Variants in VPS13D observed in about 807,000 individuals in gnomAD.
VPS13D encodes the protein vacuolar protein sorting 13 homolog D, also known as intermembrane lipid transfer protein VPS13D.
A neutral mutation model predicts 461.9 loss-of-function variants in VPS13D; 187 were observed. That is an observed-to-expected ratio of 0.40 (90% CI 0.36 to 0.46). The LOEUF (loss-of-function observed/expected upper bound fraction) is 0.46, where lower values mean the gene tolerates loss of function less well. Ranked by LOEUF, VPS13D falls within the 20% of genes least tolerant of loss-of-function variation. The probability of loss-of-function intolerance (pLI) is 0.60; values close to 1 mark genes in which losing one functional copy is unlikely to be tolerated. For synonymous variants in VPS13D, 1,951 were observed against 1,986.3 expected, an observed-to-expected ratio of 0.98 and a Z score of 0.47; for missense variants, 4,711 against 5,364.9, an observed-to-expected ratio of 0.88 and a Z score of 3.81.
intron 47 of VPS13D, 108 bp downstream of exon 47, chr1:12,354,329 A>G (rs1286889442): frequency 1.5e-6 from 2 of 1,350,604 alleles, no homozygotes; most frequent in African/African-American, 2.9e-5. Flanking sequence ...GGCACATATA[A>G]TATCTCAATA....
intron 50 of VPS13D, among the ~76,000 whole-genome samples, chr1:12,361,882 G>T (rs188235215): frequency 8.6e-5 from 13 of 151,898 alleles, no homozygotes; most frequent in Non-Finnish European, 1.9e-4. Flanking sequence ...TTTTTGAGAC[G>T]GAGTCTCACA....
intron 21 of VPS13D, among the ~76,000 whole-genome samples, chr1:12,286,589 C>A (rs1641982561): frequency 6.6e-6 from 1 of 152,164 alleles, no homozygotes; most frequent in Admixed American, 6.5e-5. Flanking sequence ...CTTCTTTTAT[C>A]CTCTATTTTA....
chr1:12,362,901 T>G, intron 51 of VPS13D, 51 bp downstream of exon 51: 1 of 1,610,936 alleles, frequency 6.2e-7, no homozygotes, highest in South Asian at 1.1e-5. Flanking sequence ...TAGCACGAGT[T>G]TTAATGTCAT....
chr1:12,412,701 T>C (rs1271856466), intron 63 of VPS13D, among the ~76,000 whole-genome samples: 1 of 152,310 alleles, frequency 6.6e-6, no homozygotes, highest in East Asian at 1.9e-4. Flanking sequence ...AAAACTTGTA[T>C]AAGTAAACGT....
At chr1:12,308,677 G>T (rs780747401) in intron 27 of VPS13D, 36 bp downstream of exon 27, 6 of 1,593,392 alleles carry the variant, frequency 3.8e-6, no homozygotes, top group East Asian at 2.2e-5. Context: ...ATGGAGTCTC[G>T]CTCTGTTCAC....
At chr1:12,452,966 G>A (rs113998279) in intron 65 of VPS13D, among the ~76,000 whole-genome samples, 1 of 152,206 alleles carries the variant, frequency 6.6e-6, no homozygotes, top group Non-Finnish European at 1.5e-5. Context: ...CCTACAGTAA[G>A]TTGAGATAGG....
chr1:12,420,256 G>A (rs2100253465), intron 65 of VPS13D, among the ~76,000 whole-genome samples: 1 of 152,320 alleles, frequency 6.6e-6, no homozygotes, highest in Admixed American at 6.5e-5. Flanking sequence ...TTTTCTTGTA[G>A]TTTTGTGGGT....
intron 65 of VPS13D, among the ~76,000 whole-genome samples, chr1:12,455,220 C>T (rs1436422746): frequency 6.6e-6 from 1 of 152,202 alleles, no homozygotes; most frequent in South Asian, 2.1e-4. Context: ...CTTGGCACCT[C>T]ATAGGTACTC....
chr1:12,304,091 A>G (rs1178397942), intron 25 of VPS13D, among the ~76,000 whole-genome samples: 1 of 152,198 alleles, frequency 6.6e-6, no homozygotes, highest in Non-Finnish European at 1.5e-5. Context: ...CCATGTTGCC[A>G]TTAGATGTCT....
intron 50 of VPS13D, 42 bp downstream of exon 50, chr1:12,358,643 C>A: frequency 1.2e-6 from 2 of 1,607,014 alleles, no homozygotes; most frequent in Non-Finnish European, 1.7e-6. Context: ...GAACCATTGG[C>A]CGATGACCTC....
intron 7 of VPS13D, among the ~76,000 whole-genome samples, chr1:12,255,646 C>T (rs769420526): frequency 6.6e-6 from 1 of 151,474 alleles, no homozygotes. Context: ...GTAATCCCAG[C>T]ACTTGGGAGA....
Position 12,456,102 on chromosome 1 carries a change from T to C in VPS13D, c.12438T>C (p.Leu4146=), listed in dbSNP as rs199546646. The change falls in exon 66 of 70, where the codon CTT becomes CTC. Residue 4146 remains leucine (L), a synonymous_variant. Transcript: ENST00000620676. ...ATGCAGCCACAAGTGGTGAACACCT[T>C]GTAGCCGGCATCCATGGCCTGGCTC... ...RYHAATSGEH[L]VAGIHGLAHG... 103 of 1,613,510 alleles carry C rather than the reference T, an allele frequency of 6.4e-5. No individual in the cohort carries two copies. The East Asian group carries it at 2.1e-3, about 33-fold the overall frequency.
At chr1:12,491,406 C>T (rs564579283) in intron 67 of VPS13D, among the ~76,000 whole-genome samples, 290 of 152,334 alleles carry the variant, frequency 1.9e-3, no homozygotes, top group African/African-American at 5.9e-3. Flanking sequence ...TCTGTCTTAA[C>T]TAACAGACCT....
At chr1:12,453,495 A>G (rs973748103) in intron 65 of VPS13D, among the ~76,000 whole-genome samples, 2 of 152,140 alleles carry the variant, frequency 1.3e-5, no homozygotes, top group Non-Finnish European at 2.9e-5. Context: ...CACACAGGAC[A>G]TGGGCACGCG....
chr1:12,478,472 G>C, intron 67 of VPS13D: 1 of 225,896 alleles, frequency 4.4e-6, no homozygotes, highest in Non-Finnish European at 9.1e-6. Flanking sequence ...AATACAGCTC[G>C]AGTCTTGTAC....
Position 12,299,186 on chromosome 1 carries a change from T to C in VPS13D, c.6034-16T>C. 1 of 1,551,414 alleles carries C rather than the reference T, an allele frequency of 6.4e-7. No homozygotes were observed. The highest frequency in any genetic ancestry group is 8.7e-7 in the Non-Finnish European group (1 of 1,153,194). On this transcript the variant is annotated splice_polypyrimidine_tract_variant and intron_variant, in intron 24 of 69. Transcript: ENST00000620676. This position sits in a 1 kb window ranked among gnomAD's most constrained non-coding sequence, Gnocchi z 4.2. Reference sequence around the variant, plus strand: ...GAATTAATTATCCTCTGAGTCAGTTTTCCTTCCTCTTTCAGGTGAGAGATC... The same window carrying C: ...GAATTAATTATCCTCTGAGTCAGTTCTCCTTCCTCTTTCAGGTGAGAGATC...
At chr1:12,286,484 C>A (rs1011441449) in intron 21 of VPS13D, among the ~76,000 whole-genome samples, 10 of 152,220 alleles carry the variant, frequency 6.6e-5, no homozygotes, top group Non-Finnish European at 1.2e-4. Flanking sequence ...CCCCCTCCAA[C>A]CCCACCGCCT....
At chr1:12,453,149 A>AAATTAAG (rs1645284694) in intron 65 of VPS13D, among the ~76,000 whole-genome samples, 1 of 152,134 alleles carries the variant, frequency 6.6e-6, no homozygotes, top group South Asian at 2.1e-4. Context: ...GCCACAGCAG[A>AAATTAAG]CTTAGTTGGA....
chr1:12,372,829 G>C (rs1210375615), intron 54 of VPS13D, among the ~76,000 whole-genome samples: 1 of 148,736 alleles, frequency 6.7e-6, no homozygotes, highest in Non-Finnish European at 1.5e-5. Context: ...TGCTAATAAG[G>C]GTTAATAGAA....
Sources: gnomAD v4.1 joint callset for allele counts (sites outside exome capture counted in the v4.1 genomes callset) on GRCh38, gnomAD v4.1.1 for gene constraint, Gnocchi (gnomAD v3.1) non-coding constraint, MANE v1.5 for transcripts, NCBI Gene and HGNC (gene_info 2026-07-23, HGNC 2026-07-21) for gene names.